Variants in KLHL42 observed in about 807,000 individuals in gnomAD.
KLHL42 encodes the protein kelch-like protein 42.
KLHL42 carries 27 observed loss-of-function variants against 32.7 expected under a neutral mutation model. That is an observed-to-expected ratio of 0.83 (90% confidence interval 0.61 to 1.14). The LOEUF (loss-of-function observed/expected upper bound fraction) is 1.14, where lower values mean the gene tolerates loss of function less well. Ranked by LOEUF, KLHL42 falls within the 50% of genes most tolerant of loss-of-function variation. The pLI, the probability that KLHL42 is intolerant of heterozygous loss-of-function variation, is 0.00. For missense variants in KLHL42, 491 were observed against 560.8 expected (o/e 0.88, Z 1.26); for synonymous variants, 267 against 248.2 (o/e 1.08, Z -0.71).
intron 2 of KLHL42, among the ~76,000 whole-genome samples, chr12:27,796,825 G>A (rs979728256): frequency 5.3e-5 from 8 of 151,940 alleles, no homozygotes; most frequent in Non-Finnish European, 1.2e-4. Context: ...TTTAGAGACA[G>A]GAGGTCTCAC....
At chr12:27,781,229 CCT>C (rs757794447) in intron 1 of KLHL42, 27 bp downstream of exon 1, 3 of 1,609,128 alleles carry the variant, frequency 1.9e-6, no homozygotes, top group Non-Finnish European at 1.7e-6. Flanking sequence ...AGTGCTGCTG[CCT>C]TCTCATTCAT....
At chr12:27,786,422 G>A (rs10743608) in intron 1 of KLHL42, among the ~76,000 whole-genome samples, 107,807 of 152,020 alleles carry the variant, frequency 0.71, 38,989 homozygotes, top group Non-Finnish European at 0.78. Context: ...TTGAGTTTAG[G>A]TGATGAGACA....
At chr12:27,794,041 GTA>G (rs2062208851) in intron 2 of KLHL42, among the ~76,000 whole-genome samples, 1 of 152,352 alleles carries the variant, frequency 6.6e-6, no homozygotes, top group African/African-American at 2.4e-5. Context: ...AAAATGTAAA[GTA>G]TTTGATGAAC....
At chr12:27,792,712 G>A (rs1345548941) in intron 2 of KLHL42, among the ~76,000 whole-genome samples, 1 of 151,896 alleles carries the variant, frequency 6.6e-6, no homozygotes, top group Non-Finnish European at 1.5e-5. Flanking sequence ...TAGTAGAGAT[G>A]GGGTTTCACC....
chr12:27,783,699 A>T (rs1009878915), intron 1 of KLHL42, among the ~76,000 whole-genome samples: 5 of 151,958 alleles, frequency 3.3e-5, no homozygotes, highest in Non-Finnish European at 4.4e-5. Context: ...CTCCTGCCTC[A>T]GCCTCCCGAG....
chr12:27,780,750 C>G lies in KLHL42; in HGVS notation c.420C>G (p.Tyr140Ter). The G allele has an allele frequency of 6.2e-7, 1 of 1,613,306 alleles. No individual in the cohort carries two copies. The highest frequency in any genetic ancestry group is 8.5e-7 in the Non-Finnish European group (1 of 1,179,992). ...CLEMYRLAQV[Y>*]GLPDLQEACL... ...AGATGTACCGCCTGGCGCAGGTGTA[C>G]GGGCTGCCCGACCTGCAGGAGGCCT... The change falls in exon 1 of 3, where the codon TAC becomes TAG. Residue 140 changes from tyrosine to a stop codon, truncating the protein, a stop_gained. Coordinates refer to ENST00000381271, the MANE Select transcript of KLHL42 (RefSeq NM_020782.2). LOFTEE classifies it high-confidence loss of function. The surrounding 1 kb of genome is among the most constrained non-coding windows in gnomAD (Gnocchi z 8.8).
chr12:27,782,429 C>CTT (rs1444574959), intron 1 of KLHL42, among the ~76,000 whole-genome samples: 1 of 152,138 alleles, frequency 6.6e-6, no homozygotes, highest in Non-Finnish European at 1.5e-5. Context: ...AGGCAGTAAC[C>CTT]AGGTTGGCAT....
At chr12:27,787,464 C>T (rs1255147142) in intron 1 of KLHL42, among the ~76,000 whole-genome samples, 1 of 148,740 alleles carries the variant, frequency 6.7e-6, no homozygotes, top group Non-Finnish European at 1.5e-5. Context: ...CACTGCACTC[C>T]AGCCTGGGCA....
At chr12:27,793,167 G>A (rs367563986) in intron 2 of KLHL42, among the ~76,000 whole-genome samples, 1 of 152,162 alleles carries the variant, frequency 6.6e-6, no homozygotes. Context: ...AGCACTTTGG[G>A]AGGCTGAGGC....
Position 27,802,306 on chromosome 12 carries a change from T to A in KLHL42, c.*4140T>A, listed in dbSNP as rs184937970. ...AAAAGGAGGAGTGAAGCTGGGGAAG[T>A]TAGTATCTAAGAGGGGCAAGCTGAT... On this transcript the variant is annotated 3_prime_UTR_variant, in exon 3 of 3. Coordinates refer to ENST00000381271, the MANE Select transcript of KLHL42 (RefSeq NM_020782.2). The A allele has an allele frequency of 2.6e-5, 4 of 152,302 alleles. No individual in the cohort carries two copies. In the East Asian group the frequency reaches 7.7e-4, roughly 29 times the overall value. The allele number at this position is 152,302 out of a possible 1,614,324, so 9.4% of individuals were successfully genotyped here. A position where few individuals can be genotyped will look rare whatever the true frequency, so the allele number is the denominator to read the frequency against.
chr12:27,793,997 G>A (rs2062208711), intron 2 of KLHL42, among the ~76,000 whole-genome samples: 1 of 152,194 alleles, frequency 6.6e-6, no homozygotes, highest in South Asian at 2.1e-4. Context: ...ATCCAAATGT[G>A]TCCTGTTTTG....
At position 27,791,694 on chromosome 12, in the gene KLHL42, T is replaced by C. The variant is rs1161972694; in HGVS notation, c.873-14T>C. ...GAAGAACTAACTCTGTGGGCCTTTG[T>C]GTCTCTCTTTCAGGTCTAACTTCAA... On this transcript the variant is annotated splice_polypyrimidine_tract_variant and intron_variant, in intron 1 of 2. Transcript: ENST00000381271. 1.2e-6 allele frequency: 2 copies of C among 1,607,844 alleles called. No homozygotes were observed. Among genetic ancestry groups the C allele is most frequent in the Admixed American group, 3.3e-5 (2 of 59,978 alleles).
intron 2 of KLHL42, among the ~76,000 whole-genome samples, chr12:27,795,123 G>A (rs1361336221): frequency 6.6e-6 from 1 of 152,060 alleles, no homozygotes; most frequent in African/African-American, 2.4e-5. Flanking sequence ...TTACCTATGA[G>A]CAATTCTAAG....
At chr12:27,781,233 C>A in intron 1 of KLHL42, 31 bp downstream of exon 1, 2 of 1,607,870 alleles carry the variant, frequency 1.2e-6, no homozygotes, top group South Asian at 1.1e-5. Flanking sequence ...CTGCTGCCTT[C>A]TCATTCATTC....
rs1430322482 is a variant in KLHL42, at chr12:27,799,369, C to T, written c.*1203C>T. On this transcript the variant is annotated 3_prime_UTR_variant, in exon 3 of 3. Coordinates refer to ENST00000381271, the MANE Select transcript of KLHL42 (RefSeq NM_020782.2). ...TTCTGCCAATCATAGATCAACATTC[C>T]TCAAAAATACATACACTCATACTTA... The T allele has an allele frequency of 9.9e-5, 15 of 152,160 alleles. No homozygotes were observed. Among genetic ancestry groups the T allele is most frequent in the Admixed American group, 9.8e-4 (15 of 15,274 alleles). The allele number at this position is 152,160 out of a possible 1,614,324, so 9.4% of individuals were successfully genotyped here.
chr12:27,798,117 A>C lies in KLHL42; in HGVS notation c.1469A>C (p.His490Pro). ...TTTCGGCGTTTTCCAGCTTTTGGAC[A>C]TAACTTGCTGGTTTCTTCTCTTTAT... ...EAFRRFPAFG[H>P]NLLVSSLYLP... Residue 490 changes from histidine (H) to proline (P), a missense_variant, in exon 3 of 3, where the codon CAT becomes CCT. By Grantham distance (77) the His-to-Pro change is moderately conservative. Transcript: ENST00000381271. The C allele has an allele frequency of 1.3e-6, 1 of 780,956 alleles. No homozygotes were observed. 48.4% of individuals were successfully genotyped at this position (780,956 alleles called of 1,614,324 possible).
rs774184747 is a variant in KLHL42 at position 27,800,211 on chromosome 12, C to G, written c.*2045C>G. 1 of 985,350 alleles carries G rather than the reference C, an allele frequency of 1.0e-6. No homozygotes were observed. Among genetic ancestry groups the G allele is most frequent in the Non-Finnish European group, 1.2e-6 (1 of 829,918 alleles). 61.0% of individuals were successfully genotyped at this position (985,350 alleles called of 1,614,324 possible). On this transcript the variant is annotated 3_prime_UTR_variant, in exon 3 of 3. Coordinates refer to ENST00000381271, the MANE Select transcript of KLHL42 (RefSeq NM_020782.2). ...ATATCAAATACAATATTCCAGCCAA[C>G]CAGTTAATTCTCTTCCTGGTTACAT... is the stretch of plus-strand genomic sequence containing the variant.
chr12:27,785,906 C>A (rs1335683575), intron 1 of KLHL42, among the ~76,000 whole-genome samples: 2 of 152,046 alleles, frequency 1.3e-5, no homozygotes, highest in African/African-American at 4.8e-5. Flanking sequence ...AACATTTTTA[C>A]CTTGGTAACA....
chr12:27,786,249 T>A (rs145637184), intron 1 of KLHL42, among the ~76,000 whole-genome samples: 1 of 152,334 alleles, frequency 6.6e-6, no homozygotes, highest in Admixed American at 6.5e-5. Context: ...AATTATTTCC[T>A]TCTAAAAAAT....
Sources: allele counts gnomAD v4.1 joint callset (sites outside exome capture counted in the v4.1 genomes callset), GRCh38; gene constraint gnomAD v4.1.1; non-coding constraint Gnocchi (gnomAD v3.1); transcripts MANE v1.5; gene names NCBI Gene and HGNC (gene_info 2026-07-23, HGNC 2026-07-21).